Variants in DOCK3 observed in about 807,000 individuals in gnomAD.
DOCK3 encodes the protein dedicator of cytokinesis 3, also known as dedicator of cytokinesis protein 3.
Under a neutral mutation model 265.6 loss-of-function variants are expected in DOCK3, and 60 were observed. The observed-to-expected ratio is 0.23, with a 90% CI of 0.18 to 0.28. The LOEUF (loss-of-function observed/expected upper bound fraction) is 0.28. Among genes scored for constraint, DOCK3 ranks in the 10% least tolerant of loss-of-function variants. The pLI is 1.00. For missense variants in DOCK3, 1,981 were observed against 2,594.3 expected (o/e 0.76, Z 5.14); for synonymous variants, 881 against 938.0 (o/e 0.94, Z 1.11).
chr3:51,375,428 C>T (rs1007034352), intron 50 of DOCK3, among the ~76,000 whole-genome samples: 1 of 152,190 alleles, frequency 6.6e-6, no homozygotes, highest in Non-Finnish European at 1.5e-5. Context: ...TCTCTCTAGC[C>T]AGACAAAAGG....
intron 9 of DOCK3, among the ~76,000 whole-genome samples, chr3:51,141,129 C>G (rs1031398560): frequency 2.7e-5 from 4 of 150,910 alleles, no homozygotes; most frequent in Non-Finnish European, 4.4e-5. Flanking sequence ...TGTTGGTGTC[C>G]TTCCTACCTA....
chr3:50,762,962 C>T (rs2040624077), intron 1 of DOCK3, among the ~76,000 whole-genome samples: 1 of 151,666 alleles, frequency 6.6e-6, no homozygotes, highest in Non-Finnish European at 1.5e-5. Context: ...TAGTAAAGTT[C>T]ACCAGGACAG....
intron 1 of DOCK3, among the ~76,000 whole-genome samples, chr3:50,760,841 G>A (rs2040484729): frequency 6.6e-6 from 1 of 151,296 alleles, no homozygotes; most frequent in African/African-American, 2.4e-5. Flanking sequence ...GAGTGCAATG[G>A]CGTGATCTCG....
chr3:51,344,029 G>A (rs1156708766), intron 38 of DOCK3, among the ~76,000 whole-genome samples: 3 of 152,204 alleles, frequency 2.0e-5, no homozygotes, highest in African/African-American at 4.8e-5. Flanking sequence ...GATCAGAGCT[G>A]GTCCTGCATC....
intron 43 of DOCK3, 71 bp from the exon 44 acceptor site, chr3:51,356,891 C>T: frequency 6.7e-7 from 1 of 1,496,412 alleles, no homozygotes; most frequent in Non-Finnish European, 9.0e-7. Context: ...GATCTTAGAC[C>T]CCAGCTCTCA....
intron 1 of DOCK3, among the ~76,000 whole-genome samples, chr3:50,709,516 G>A (rs2036620527): frequency 6.6e-6 from 1 of 152,014 alleles, no homozygotes; most frequent in Admixed American, 6.6e-5. Flanking sequence ...TATAGTATTA[G>A]CCATGATTTT....
intron 2 of DOCK3, among the ~76,000 whole-genome samples, chr3:50,830,085 A>G (rs1576574332): frequency 6.6e-6 from 1 of 152,184 alleles, no homozygotes; most frequent in African/African-American, 2.4e-5. Flanking sequence ...GAATTATCTT[A>G]TAAGTTTCTT....
chr3:50,910,636 A>G (rs558086176), intron 4 of DOCK3, among the ~76,000 whole-genome samples: 1 of 152,128 alleles, frequency 6.6e-6, no homozygotes, highest in African/African-American at 2.4e-5. Flanking sequence ...AGCCCACTCC[A>G]TGGGCATTGG....
intron 3 of DOCK3, chr3:50,876,613 C>T (rs529347158): frequency 2.0e-5 from 3 of 152,074 alleles, no homozygotes; most frequent in East Asian, 3.9e-4. Flanking sequence ...AGAGGTACAC[C>T]GGTTTGTATT....
At chr3:51,341,088 C>A in intron 37 of DOCK3, 149 bp from the exon 38 acceptor site, 1 of 949,446 alleles carries the variant, frequency 1.1e-6, no homozygotes, top group Non-Finnish European at 1.5e-6. Flanking sequence ...AGCAGCCCTA[C>A]TGTTTCATCT....
At chr3:50,726,891 A>G (rs980438434) in intron 1 of DOCK3, among the ~76,000 whole-genome samples, 2 of 152,202 alleles carry the variant, frequency 1.3e-5, no homozygotes, top group Non-Finnish European at 2.9e-5. Flanking sequence ...TGTGTAGCCT[A>G]TTCACAGGGG....
chr3:50,902,578 T>C (rs2049257273), intron 4 of DOCK3, among the ~76,000 whole-genome samples: 1 of 152,228 alleles, frequency 6.6e-6, no homozygotes, highest in Non-Finnish European at 1.5e-5. Flanking sequence ...TTTTGGTTAC[T>C]TGAGCCTTGT....
intron 12 of DOCK3, among the ~76,000 whole-genome samples, chr3:51,205,937 A>G (rs565272019): frequency 3.3e-5 from 5 of 152,328 alleles, no homozygotes; most frequent in East Asian, 1.9e-4. Flanking sequence ...TCTGCATGAC[A>G]TTTGATTTCA....
chr3:50,969,965 T>C (rs1361837223), intron 5 of DOCK3, among the ~76,000 whole-genome samples: 1 of 152,028 alleles, frequency 6.6e-6, no homozygotes, highest in East Asian at 1.9e-4. Flanking sequence ...CCAGCTACTC[T>C]GGAGGCTGAG....
intron 1 of DOCK3, chr3:50,719,578 A>T: frequency 7.1e-7 from 1 of 1,416,646 alleles, no homozygotes; most frequent in East Asian, 2.3e-5. Flanking sequence ...TAATGCTATT[A>T]TTCACCTTGC....
chr3:51,177,801 G>C (rs2087038981), intron 12 of DOCK3, among the ~76,000 whole-genome samples: 1 of 152,094 alleles, frequency 6.6e-6, no homozygotes. Flanking sequence ...GACCAGCCTG[G>C]CCAACATGGT....
At chr3:50,808,553 C>T (rs1182234057) in intron 2 of DOCK3, among the ~76,000 whole-genome samples, 1 of 152,178 alleles carries the variant, frequency 6.6e-6, no homozygotes, top group African/African-American at 2.4e-5. Flanking sequence ...TATGGGCTAA[C>T]TCTGGCTCAC....
At chr3:51,028,883 G>T (rs985632561) in intron 5 of DOCK3, among the ~76,000 whole-genome samples, 13 of 152,016 alleles carry the variant, frequency 8.6e-5, no homozygotes, top group Non-Finnish European at 1.5e-4. Context: ...CTTGCCATCT[G>T]TATTCTTAAT....
chr3:50,752,500 T>G (rs1576333988), intron 1 of DOCK3, among the ~76,000 whole-genome samples: 1 of 93,480 alleles, frequency 1.1e-5, no homozygotes, highest in Admixed American at 1.4e-4. Context: ...AGAGCGAGAG[T>G]CCGTCTCAAA....
Sources: gnomAD v4.1 joint callset for allele counts (sites outside exome capture counted in the v4.1 genomes callset) on GRCh38, gnomAD v4.1.1 for gene constraint, MANE v1.5 for transcripts, NCBI Gene and HGNC (gene_info 2026-07-23, HGNC 2026-07-21) for gene names.